The following NDRG1 variants were observed in gnomAD, a reference collection of about 807,000 sequenced individuals.
The protein encoded by NDRG1 is protein NDRG1.
Under a neutral mutation model 56.9 loss-of-function variants are expected in NDRG1, and 32 were observed. That is an observed-to-expected ratio of 0.56 (90% confidence interval 0.42 to 0.76). The LOEUF (loss-of-function observed/expected upper bound fraction) is 0.76. Among genes scored for constraint, NDRG1 ranks in the 30% least tolerant of loss-of-function variants. The probability of loss-of-function intolerance (pLI) is 0.00; values close to 1 mark genes in which losing one functional copy is unlikely to be tolerated. For missense variants in NDRG1, 507 were observed against 545.7 expected (o/e 0.93, Z 0.71); for synonymous variants, 211 against 204.1 (o/e 1.03, Z -0.29).
chr8:133,262,910 G>A (rs1856729508), intron 4 of NDRG1, among the ~76,000 whole-genome samples: 1 of 152,206 alleles, frequency 6.6e-6, no homozygotes. Context: ...CCCAGGGGAT[G>A]GCAAACCCAC....
intron 10 of NDRG1, chr8:133,249,218 A>G (rs1303811942): frequency 7.6e-6 from 2 of 261,926 alleles, no homozygotes; most frequent in East Asian, 1.9e-4. Flanking sequence ...CTCAGGCCTC[A>G]TCTTTCCATT....
At chr8:133,289,328 A>C (rs1309335805) in intron 1 of NDRG1, among the ~76,000 whole-genome samples, 1 of 152,194 alleles carries the variant, frequency 6.6e-6, no homozygotes, top group Non-Finnish European at 1.5e-5. Context: ...TTAAGCAAAC[A>C]GTTGCTTAAT....
intron 13 of NDRG1, among the ~76,000 whole-genome samples, 169 bp downstream of exon 13, chr8:133,246,447 G>C (rs951595273): frequency 1.3e-5 from 2 of 152,212 alleles, no homozygotes; most frequent in African/African-American, 4.8e-5. Flanking sequence ...TGCAGCCTCA[G>C]ATCACCAGTC....
At chr8:133,294,174 GT>G (rs1336724921) in intron 1 of NDRG1, among the ~76,000 whole-genome samples, 1 of 152,102 alleles carries the variant, frequency 6.6e-6, no homozygotes, top group Non-Finnish European at 1.5e-5. Flanking sequence ...GCCCCAACAT[GT>G]TGTCATGGAA....
chr8:133,272,405 A>G (rs1586466890), intron 3 of NDRG1, among the ~76,000 whole-genome samples: 1 of 152,180 alleles, frequency 6.6e-6, no homozygotes, highest in South Asian at 2.1e-4. Context: ...CAATGTGCTC[A>G]GGGACAGCGA....
chr8:133,249,980 G>A (rs58725318), intron 10 of NDRG1, among the ~76,000 whole-genome samples: 2,545 of 152,278 alleles, frequency 0.017, 61 homozygotes, highest in African/African-American at 0.057. Context: ...ACCTAGTGCT[G>A]GTTGAGAGGG....
chr8:133,284,384 AG>A (rs1857985549), intron 1 of NDRG1, 55 bp from the exon 2 acceptor site: 2 of 1,570,410 alleles, frequency 1.3e-6, no homozygotes, highest in Non-Finnish European at 1.8e-6. Flanking sequence ...GGTTTCCTAA[AG>A]GAAGCAAATC....
chr8:133,237,841 G>A lies in NDRG1; in HGVS notation c.*1037C>T, dbSNP rs1855143072. ...AATCACACAAAATTCCTGGAACCAA[G>A]CTGGGATCCACAGAAATCACAACTG... On this transcript the variant is annotated 3_prime_UTR_variant, in exon 16 of 16. Coordinates refer to ENST00000323851, the MANE Select transcript of NDRG1 (RefSeq NM_006096.4). 4.3e-6 allele frequency: 1 copy of A among 232,942 alleles called. No individual in the cohort carries two copies. The highest frequency in any genetic ancestry group is 8.5e-6 in the Non-Finnish European group (1 of 117,982). The allele number at this position is 232,942 out of a possible 1,614,324, so 14.4% of individuals were successfully genotyped here.
chr8:133,255,278 C>T (rs773029627), intron 8 of NDRG1: 14 of 456,184 alleles, frequency 3.1e-5, no homozygotes, highest in Non-Finnish European at 5.3e-5. Context: ...ACCTCTGGGT[C>T]TCAGACTTCT....
intron 2 of NDRG1, among the ~76,000 whole-genome samples, chr8:133,283,789 C>G (rs927213199): frequency 2.6e-5 from 4 of 152,214 alleles, no homozygotes; most frequent in Admixed American, 6.5e-5. Flanking sequence ...TAAGCCCAGA[C>G]AGTGCGGCCC....
At chr8:133,248,047 C>T (rs1367785483) in intron 11 of NDRG1, 121 bp from the exon 12 acceptor site, 1 of 922,140 alleles carries the variant, frequency 1.1e-6, no homozygotes, top group Non-Finnish European at 1.8e-6. Flanking sequence ...TCCCCAACAC[C>T]CTTTGCTCTT....
At chr8:133,294,714 G>T (rs1193412974) in intron 1 of NDRG1, among the ~76,000 whole-genome samples, 1 of 152,184 alleles carries the variant, frequency 6.6e-6, no homozygotes, top group Non-Finnish European at 1.5e-5. Flanking sequence ...AACTCAGGGG[G>T]CTGCAGCCTC....
At position 133,264,927 on chromosome 8, in the gene NDRG1, C is replaced by T; in HGVS notation, c.100-275G>A. ...GGGGAAAGGGCTTGCCCGCCACCATCTCTGCCCCGGACTGTTTGCTCCATC... is the reference window on the plus strand; with the variant it reads ...GGGGAAAGGGCTTGCCCGCCACCATTTCTGCCCCGGACTGTTTGCTCCATC... On this transcript the variant is annotated intron_variant, in intron 3 of 15. Coordinates refer to ENST00000323851, the MANE Select transcript of NDRG1 (RefSeq NM_006096.4). 6.0e-6 allele frequency: 3 copies of T among 497,148 alleles called. No individual in the cohort carries two copies. In the South Asian group the frequency reaches 6.1e-5, roughly 10 times the overall value. 30.8% of individuals were successfully genotyped at this position (497,148 alleles called of 1,614,324 possible).
intron 9 of NDRG1, among the ~76,000 whole-genome samples, chr8:133,251,351 GCAT>G (rs1856030521): frequency 6.6e-6 from 1 of 152,234 alleles, no homozygotes; most frequent in East Asian, 1.9e-4. Context: ...AGCTTGAGCT[GCAT>G]CAAACAGTCC....
At chr8:133,247,160 T>G (rs1334591547) in intron 12 of NDRG1, among the ~76,000 whole-genome samples, 6 of 152,194 alleles carry the variant, frequency 3.9e-5, no homozygotes, top group Non-Finnish European at 8.8e-5. Flanking sequence ...CCCAGGATGT[T>G]CAAAATGCTT....
At chr8:133,280,667 C>G (rs923747686) in intron 2 of NDRG1, among the ~76,000 whole-genome samples, 2 of 152,064 alleles carry the variant, frequency 1.3e-5, no homozygotes, top group African/African-American at 4.8e-5. Context: ...ATTTCCTGAC[C>G]TCATGATCCA....
In NDRG1 at chr8:133,239,089, C is replaced by G; in HGVS notation, c.974G>C (p.Arg325Pro). Residue 325 changes from arginine to proline, a missense_variant, in exon 16 of 16, where the codon CGG becomes CCG. Arg to Pro is a moderately radical substitution (Grantham distance 103, BLOSUM62 -2). Transcript: ENST00000323851. ...GCTGGAACCAGAGGCTGTGCGGGAC[C>G]GCATCAGGCGGGTCATGCTAGCCGA... is the stretch of plus-strand genomic sequence containing the variant. The part of the protein sequence containing the change: ...MPSASMTRLM[R>P]SRTASGSSVT... 8 of 1,568,152 alleles carry G rather than the reference C, an allele frequency of 5.1e-6. No homozygotes were observed. The highest frequency in any genetic ancestry group is 6.9e-6 in the Non-Finnish European group (8 of 1,156,548).
chr8:133,292,874 T>C (rs996406004), intron 1 of NDRG1, among the ~76,000 whole-genome samples: 2 of 152,242 alleles, frequency 1.3e-5, no homozygotes, highest in African/African-American at 2.4e-5. Flanking sequence ...AGCCTCACTT[T>C]CTACCAGCTC....
At chr8:133,240,374 G>C (rs1310296052) in intron 15 of NDRG1, 1 of 152,172 alleles carries the variant, frequency 6.6e-6, no homozygotes, top group African/African-American at 2.4e-5. Flanking sequence ...TTTGATGTCA[G>C]GCACTCCCAA....
Sources: gnomAD v4.1 joint callset for allele counts (sites outside exome capture counted in the v4.1 genomes callset) on GRCh38, gnomAD v4.1.1 for gene constraint, MANE v1.5 for transcripts, NCBI Gene and HGNC (gene_info 2026-07-23, HGNC 2026-07-21) for gene names.